The following FERMT1 variants were observed in gnomAD, a reference collection of about 807,000 sequenced individuals.
FERMT1 encodes FERM domain containing kindlin 1.
Under a neutral mutation model 85.3 loss-of-function variants are expected in FERMT1, and 60 were observed. That is an observed-to-expected ratio of 0.70 (90% confidence interval 0.57 to 0.87). FERMT1 has a LOEUF of 0.87. Among genes scored for constraint, FERMT1 ranks in the 40% least tolerant of loss-of-function variants. The pLI is 0.00. For missense variants in FERMT1, 701 were observed against 818.9 expected (o/e 0.86, Z 1.76); for synonymous variants, 275 against 301.1 (o/e 0.91, Z 0.90).
At chr20:6,078,725 T>G in intron 14 of FERMT1, among the ~76,000 whole-genome samples, 1 of 151,424 alleles carries the variant, frequency 6.6e-6, no homozygotes, top group Non-Finnish European at 1.5e-5. Context: ...CAGCCTCAAG[T>G]GATCCTTCCC....
rs1983207902 is a variant in FERMT1, at chr20:6,119,526, G to A, written c.29C>T (p.Ala10Val). 6.2e-7 allele frequency: 1 copy of A among 1,614,168 alleles called. No individual in the cohort carries two copies. The highest frequency in any genetic ancestry group is 2.2e-5 in the East Asian group (1 of 44,884). Residue 10 changes from alanine to valine, a missense_variant, in exon 2 of 15, where the codon GCT becomes GTT. Transcript: ENST00000217289. ...AACGCGGACCACAAGCTCCCAGGAA[G>A]CAAATGTAAAGTCAGTGGATGACAG... MLSSTDFTF[A>V]SWELVVRVDH...
At chr20:6,118,433 C>T (rs1418096026) in intron 2 of FERMT1, among the ~76,000 whole-genome samples, 1 of 152,068 alleles carries the variant, frequency 6.6e-6, no homozygotes. Flanking sequence ...AGCTGATGTT[C>T]TATTTCGTGA....
intron 13 of FERMT1, among the ~76,000 whole-genome samples, chr20:6,081,461 G>T (rs1358724580): frequency 6.6e-6 from 1 of 152,162 alleles, no homozygotes; most frequent in Non-Finnish European, 1.5e-5. Context: ...TGTGTCAAAT[G>T]CTGCGGAGAG....
At chr20:6,086,242 T>C (rs1476551049) in intron 11 of FERMT1, among the ~76,000 whole-genome samples, 2 of 152,182 alleles carry the variant, frequency 1.3e-5, no homozygotes, top group South Asian at 2.1e-4. Flanking sequence ...TATTTCTGTT[T>C]TCATATCACA....
chr20:6,077,650 G>A (rs951054004), intron 14 of FERMT1, among the ~76,000 whole-genome samples: 3 of 152,172 alleles, frequency 2.0e-5, no homozygotes, highest in African/African-American at 4.8e-5. Context: ...CCTGTGTTGA[G>A]GGGCAGGGTG....
chr20:6,097,825 AT>A (rs1047175385), intron 6 of FERMT1, among the ~76,000 whole-genome samples, 194 bp from the exon 7 acceptor site: 140 of 141,258 alleles, frequency 9.9e-4, no homozygotes, highest in Non-Finnish European at 1.7e-3. Flanking sequence ...TTAATTTTTT[AT>A]TTTTTTGAGA....
chr20:6,099,426 A>C (rs538806842), intron 6 of FERMT1, among the ~76,000 whole-genome samples: 4 of 151,752 alleles, frequency 2.6e-5, no homozygotes, highest in African/African-American at 9.7e-5. Flanking sequence ...AAAAGGAATT[A>C]AATTCTGATA....
At chr20:6,084,695 C>CTTTTT (rs35916682) in intron 12 of FERMT1, among the ~76,000 whole-genome samples, 2 of 144,300 alleles carry the variant, frequency 1.4e-5, no homozygotes, top group African/African-American at 5.1e-5. Context: ...GGAATTACTC[C>CTTTTT]TTTTTTTTTT....
chr20:6,114,505 C>T (rs1298976406), intron 3 of FERMT1, among the ~76,000 whole-genome samples: 1 of 152,198 alleles, frequency 6.6e-6, no homozygotes, highest in Non-Finnish European at 1.5e-5. Context: ...TGCTTCCAGT[C>T]CACTGTGGTG....
intron 6 of FERMT1, among the ~76,000 whole-genome samples, chr20:6,098,234 A>G (rs1307525219): frequency 6.6e-6 from 1 of 151,378 alleles, no homozygotes. Flanking sequence ...AATGGTTTAT[A>G]TGATAAACAG....
At chr20:6,100,736 A>G (rs1456745486) in intron 6 of FERMT1, among the ~76,000 whole-genome samples, 3 of 152,206 alleles carry the variant, frequency 2.0e-5, no homozygotes. Context: ...CAAGAGGCCT[A>G]AAAGTTGTGA....
intron 8 of FERMT1, among the ~76,000 whole-genome samples, chr20:6,096,077 TTTTC>T (rs1237200493): frequency 6.6e-6 from 1 of 152,204 alleles, no homozygotes; most frequent in African/African-American, 2.4e-5. Flanking sequence ...GACAAAACAG[TTTTC>T]TTTGTTTTAT....
chr20:6,085,506 A>G (rs1426675024), intron 11 of FERMT1, among the ~76,000 whole-genome samples: 1 of 152,178 alleles, frequency 6.6e-6, no homozygotes, highest in Admixed American at 6.5e-5. Flanking sequence ...GGGAGGCTAG[A>G]GGATAGGAAT....
At chr20:6,116,701 C>T (rs6053917) in intron 2 of FERMT1, among the ~76,000 whole-genome samples, 15,432 of 146,416 alleles carry the variant, frequency 0.11, 848 homozygotes, top group African/African-American at 0.14. Flanking sequence ...TATATTACAG[C>T]TTGGGCAACA....
rs1448567923 is a variant in FERMT1 at position 6,112,529 on chromosome 20, T to A, written c.480A>T (p.Ile160=). 1.2e-6 allele frequency: 2 copies of A among 1,613,002 alleles called. No homozygotes were observed. Among genetic ancestry groups the A allele is most frequent in the Admixed American group, 1.7e-5 (1 of 59,976 alleles). ...TCTCCAGGTTTAGAATATCTTCAAT[T>A]ATGGGTTCCTTATTATTTTTGTCTT... ...KKKDKNNKEP[I]IEDILNLESS... is the part of the protein sequence containing the mutation. The change falls in exon 4 of 15, where the codon ATA becomes ATT. Residue 160 remains isoleucine (I), a synonymous_variant. Transcript: ENST00000217289.
rs1230352049 is a variant in FERMT1, at chr20:6,079,439, C to T, written c.1857G>A (p.Arg619=). 1 of 1,614,142 alleles carries T rather than the reference C, an allele frequency of 6.2e-7. No individual in the cohort carries two copies. Among genetic ancestry groups the T allele is most frequent in the Admixed American group, 1.7e-5 (1 of 60,016 alleles). Residue 619 remains arginine, a synonymous_variant, in exon 14 of 15, where the codon CGG becomes CGA. Coordinates refer to ENST00000217289, the MANE Select transcript of FERMT1 (RefSeq NM_017671.5). The part of the protein sequence containing the change: ...IKQWNVNWET[R]QVVIEFDQNV... ...AGAGCAAAAACTTTCACTTTACCTG[C>T]CGGGTTTCCCAGTTTACATTCCACT...
intron 6 of FERMT1, among the ~76,000 whole-genome samples, chr20:6,099,435 T>C (rs558295274): frequency 1.3e-4 from 19 of 150,426 alleles, no homozygotes; most frequent in African/African-American, 4.4e-4. Flanking sequence ...TAAATTCTGA[T>C]ACTTGATACA....
At chr20:6,118,487 A>T (rs1356475040) in intron 2 of FERMT1, among the ~76,000 whole-genome samples, 1 of 152,150 alleles carries the variant, frequency 6.6e-6, no homozygotes, top group East Asian at 1.9e-4. Context: ...TGAACTGTTT[A>T]TGATAAGTGA....
At chr20:6,088,130 AG>A (rs1982237415) in intron 10 of FERMT1, among the ~76,000 whole-genome samples, 1 of 152,200 alleles carries the variant, frequency 6.6e-6, no homozygotes, top group African/African-American at 2.4e-5. Flanking sequence ...GTTCATTTTC[AG>A]GTTAATGCTG....
Sources: gnomAD v4.1 joint callset for allele counts (sites outside exome capture counted in the v4.1 genomes callset) on GRCh38, gnomAD v4.1.1 for gene constraint, MANE v1.5 for transcripts, NCBI Gene and HGNC (gene_info 2026-07-23, HGNC 2026-07-21) for gene names.